The following EVI5 variants were observed in gnomAD, a reference collection of about 807,000 sequenced individuals.
EVI5 encodes the protein ecotropic viral integration site 5 protein homolog.
In EVI5, 73 loss-of-function variants were observed where a neutral mutation model predicts 112.0. The observed-to-expected ratio is 0.65, with a 90% confidence interval of 0.54 to 0.79. The LOEUF is 0.79. Ranked by LOEUF, EVI5 falls within the 30% of genes least tolerant of loss-of-function variation. The probability of loss-of-function intolerance (pLI) is 0.00; values close to 1 mark genes in which losing one functional copy is unlikely to be tolerated. For synonymous variants in EVI5, 305 were observed against 319.9 expected, an observed-to-expected ratio of 0.95 and a Z score of 0.50; for missense variants, 900 against 968.8, an observed-to-expected ratio of 0.93 and a Z score of 0.94.
At chr1:92,706,131 A>G (rs749999351) in intron 2 of EVI5, among the ~76,000 whole-genome samples, 8 of 152,182 alleles carry the variant, frequency 5.3e-5, no homozygotes, top group Non-Finnish European at 7.4e-5. Context: ...TTTCCCAAAT[A>G]TTGCTAAAAA....
intron 14 of EVI5, among the ~76,000 whole-genome samples, chr1:92,630,130 G>A (rs1262039454): frequency 1.3e-5 from 2 of 152,152 alleles, no homozygotes; most frequent in Non-Finnish European, 2.9e-5. Context: ...AGAAACATAC[G>A]TGTGCATGTG....
intron 10 of EVI5, among the ~76,000 whole-genome samples, chr1:92,674,576 A>G (rs1666407318): frequency 6.6e-6 from 1 of 152,074 alleles, no homozygotes; most frequent in Admixed American, 6.5e-5. Flanking sequence ...TAGGAGAAAT[A>G]CCTAATGTAG....
At chr1:92,553,188 T>C (rs960821909) in intron 19 of EVI5, among the ~76,000 whole-genome samples, 1 of 151,922 alleles carries the variant, frequency 6.6e-6, no homozygotes, top group Non-Finnish European at 1.5e-5. Flanking sequence ...TGGAACGCAG[T>C]GGTACAATCT....
chr1:92,549,983 G>A (rs1465138526), intron 19 of EVI5, among the ~76,000 whole-genome samples: 1 of 152,128 alleles, frequency 6.6e-6, no homozygotes, highest in Non-Finnish European at 1.5e-5. Flanking sequence ...ATTTGACCCA[G>A]CCATCCCATT....
intron 18 of EVI5, among the ~76,000 whole-genome samples, chr1:92,564,632 C>T (rs1669139018): frequency 4.6e-5 from 7 of 151,200 alleles, no homozygotes; most frequent in Admixed American, 4.6e-4. Flanking sequence ...AAGAGAGGCA[C>T]TTTTTCTTAT....
chr1:92,779,455 G>A (rs1684581969), intron 1 of EVI5, among the ~76,000 whole-genome samples: 1 of 152,000 alleles, frequency 6.6e-6, no homozygotes, highest in African/African-American at 2.4e-5. Flanking sequence ...CCGGAAGATG[G>A]TGGCTGCAGT....
intron 1 of EVI5, among the ~76,000 whole-genome samples, chr1:92,791,383 G>A (rs1686078651): frequency 6.6e-6 from 1 of 152,044 alleles, no homozygotes; most frequent in African/African-American, 2.4e-5. Context: ...TTCATAAACT[G>A]GAGATAATAA....
At chr1:92,696,441 C>T (rs537614170) in intron 6 of EVI5, among the ~76,000 whole-genome samples, 1 of 151,852 alleles carries the variant, frequency 6.6e-6, no homozygotes, top group South Asian at 2.1e-4. Context: ...GAGTGAAACC[C>T]TGTCTCTACA....
chr1:92,663,842 C>T (rs544240715), intron 11 of EVI5, among the ~76,000 whole-genome samples: 2 of 152,292 alleles, frequency 1.3e-5, no homozygotes, highest in African/African-American at 4.8e-5. Flanking sequence ...CTCCTCGGCT[C>T]AAGGAGTTGG....
At chr1:92,583,187 G>A (rs1410215747) in intron 18 of EVI5, among the ~76,000 whole-genome samples, 1 of 151,848 alleles carries the variant, frequency 6.6e-6, no homozygotes, top group Non-Finnish European at 1.5e-5. Flanking sequence ...CCTACTGATG[G>A]GTAGTTACTA....
In EVI5 at chr1:92,662,753, T is replaced by G. The variant is rs755185653; in HGVS notation, c.1358A>C (p.Asn453Thr). The G allele has an allele frequency of 5.4e-6, 7 of 1,286,092 alleles. No individual in the cohort carries two copies. The South Asian group carries it at 8.7e-5, about 16-fold the overall frequency. 79.7% of individuals were successfully genotyped at this position (1,286,092 alleles called of 1,614,324 possible). Reference sequence around the variant, plus strand: ...TTGGTGCTGGAGCTTCCTGATGGTATTTTCAGCTTGCTCCAGCTTAGCACT... The same window carrying G: ...TTGGTGCTGGAGCTTCCTGATGGTAGTTTCAGCTTGCTCCAGCTTAGCACT... ...EASAKLEQAE[N>T]TIRKLQHQQQ... Residue 453 changes from asparagine (N) to threonine (T), a missense_variant, in exon 13 of 20, where the codon AAT becomes ACT. Transcript: ENST00000684568.
intron 2 of EVI5, among the ~76,000 whole-genome samples, chr1:92,707,079 T>C (rs7521345): frequency 0.92 from 139,316 of 151,232 alleles, 64,251 homozygotes; most frequent in East Asian, 0.97. Context: ...CTAGGGAGGC[T>C]GAGGCAGGAG....
At chr1:92,657,891 G>A (rs537654686) in intron 13 of EVI5, among the ~76,000 whole-genome samples, 25 of 152,226 alleles carry the variant, frequency 1.6e-4, no homozygotes, top group African/African-American at 6.0e-4. Context: ...GAGTAGGGGA[G>A]GGGGTTGCCA....
intron 1 of EVI5, among the ~76,000 whole-genome samples, chr1:92,769,718 TA>T (rs1158792081): frequency 5.3e-5 from 8 of 151,648 alleles, no homozygotes; most frequent in Non-Finnish European, 8.8e-5. Context: ...TCGTCTCTAC[TA>T]AAAAAAATAT....
At chr1:92,653,081 T>C (rs146798870) in intron 13 of EVI5, among the ~76,000 whole-genome samples, 42 of 152,272 alleles carry the variant, frequency 2.8e-4, no homozygotes, top group African/African-American at 9.6e-4. Context: ...ATTACCAACT[T>C]GCACTGGGTT....
At chr1:92,686,958 T>C (rs539097318) in intron 9 of EVI5, among the ~76,000 whole-genome samples, 2 of 152,170 alleles carry the variant, frequency 1.3e-5, no homozygotes, top group Admixed American at 6.5e-5. Context: ...AAAATGGCCA[T>C]ACTGCCCAAG....
chr1:92,512,759 T>C lies in EVI5; in HGVS notation c.*897A>G, dbSNP rs985923738. ...ATGAATTTGTGTTTATAAAATTATA[T>C]AGAATAAAGGCTTTGTGTGTGGGGA... is the stretch of plus-strand genomic sequence containing the variant. On this transcript the variant is annotated 3_prime_UTR_variant, in exon 20 of 20. Coordinates refer to ENST00000684568, the MANE Select transcript of EVI5 (RefSeq NM_001350197.2). 2 of 151,836 alleles carry C rather than the reference T, an allele frequency of 1.3e-5. No homozygotes were observed. The highest frequency in any genetic ancestry group is 4.2e-4 in the South Asian group (2 of 4,816). 9.4% of individuals were successfully genotyped at this position (151,836 alleles called of 1,614,324 possible).
chr1:92,725,377 T>A (rs1197212233), intron 2 of EVI5, among the ~76,000 whole-genome samples: 1 of 152,146 alleles, frequency 6.6e-6, no homozygotes, highest in Non-Finnish European at 1.5e-5. Flanking sequence ...AGGTTCTGTA[T>A]TACTCCAGAA....
intron 16 of EVI5, among the ~76,000 whole-genome samples, chr1:92,616,278 G>A (rs890126409): frequency 2.6e-5 from 4 of 152,132 alleles, no homozygotes; most frequent in African/African-American, 9.7e-5. Context: ...CTGCATCTTT[G>A]AAGAGGCCTG....
Sources: allele counts gnomAD v4.1 joint callset (sites outside exome capture counted in the v4.1 genomes callset), GRCh38; gene constraint gnomAD v4.1.1; transcripts MANE v1.5; gene names NCBI Gene and HGNC (gene_info 2026-07-23, HGNC 2026-07-21).